SBNO2: variants seen among roughly 807,000 people sequenced by gnomAD.
The protein encoded by SBNO2 is strawberry notch homolog 2.
A neutral mutation model predicts 146.3 loss-of-function variants in SBNO2; 89 were observed. The observed-to-expected ratio is 0.61, with a 90% CI of 0.51 to 0.73. The LOEUF is 0.73. Ranked by LOEUF, SBNO2 falls within the 30% of genes least tolerant of loss-of-function variation. The pLI is 0.00. For missense variants in SBNO2, 2,092 were observed against 2,003.7 expected (o/e 1.04, Z -0.84); for synonymous variants, 1,147 against 892.6 (o/e 1.29, Z -5.08).
chr19:1,147,269 C>T, intron 4 of SBNO2, 40 bp downstream of exon 4: 4 of 1,392,354 alleles, frequency 2.9e-6, no homozygotes, highest in Non-Finnish European at 3.0e-6. Flanking sequence ...CCAGACTCCA[C>T]CCTGCCCCCC....
At chr19:1,117,204 C>A (rs1320134787) in intron 15 of SBNO2, 119 bp downstream of exon 15, 17 of 1,070,940 alleles carry the variant, frequency 1.6e-5, no homozygotes, top group Non-Finnish European at 2.2e-5. Flanking sequence ...CGTCTCTCAC[C>A]CACCAGGGTG....
In SBNO2 at chr19:1,111,054, C is replaced by T. The variant is rs756126247; in HGVS notation, c.2849G>A (p.Arg950Gln). 35 of 1,566,670 alleles carry T rather than the reference C, an allele frequency of 2.2e-5. No individual in the cohort carries two copies. The highest frequency in any genetic ancestry group is 1.7e-4 in the Middle Eastern group (1 of 6,030). Residue 950 changes from arginine to glutamine, a missense_variant, in exon 25 of 32, where the codon CGG becomes CAG. By Grantham distance (43) the Arg-to-Gln change is conservative. Transcript: ENST00000361757. ...QGLLSVGIGG[R>Q]ESRNGCLDVE... Reference sequence around the variant, plus strand: ...GTCCAGGCAGCCATTCCGGGACTCCCGGCCACCAATGCCCACAGACAGCAG... The same window carrying T: ...GTCCAGGCAGCCATTCCGGGACTCCTGGCCACCAATGCCCACAGACAGCAG...
At chr19:1,131,672 C>G (rs962504412) in intron 4 of SBNO2, among the ~76,000 whole-genome samples, 1 of 152,228 alleles carries the variant, frequency 6.6e-6, no homozygotes, top group Non-Finnish European at 1.5e-5. Context: ...ATAAGACACC[C>G]AGAGCCCCTC....
At position 1,149,349 on chromosome 19, in the gene SBNO2, G is replaced by A. The variant is rs367928647; in HGVS notation, c.167+20C>T. On this transcript the variant is annotated intron_variant, in intron 3 of 31. Coordinates refer to ENST00000361757, the MANE Select transcript of SBNO2 (RefSeq NM_014963.3). ...AATGAGCAAGCCTGGGGGCCAGGCG[G>A]GGAGGGTCCCGGTACTCACCGGCTG... 4.8e-4 allele frequency: 742 copies of A among 1,549,326 alleles called. 8 individuals carry two copies. In the Middle Eastern group the frequency reaches 8.7e-3, roughly 18 times the overall value.
intron 4 of SBNO2, among the ~76,000 whole-genome samples, chr19:1,130,686 G>A (rs2080018331): frequency 6.6e-6 from 1 of 152,076 alleles, no homozygotes. Flanking sequence ...CAGCTACTCA[G>A]GAGGCTGAGG....
Position 1,109,104 on chromosome 19 carries a change from G to C in SBNO2, c.3425+31C>G, listed in dbSNP as rs375836831. 9 of 1,545,430 alleles carry C rather than the reference G, an allele frequency of 5.8e-6. No individual in the cohort carries two copies. In the African/African-American group the frequency reaches 9.6e-5, roughly 16 times the overall value. On this transcript the variant is annotated intron_variant, in intron 30 of 31. Coordinates refer to ENST00000361757, the MANE Select transcript of SBNO2 (RefSeq NM_014963.3). This position sits in a 1 kb window ranked among gnomAD's most constrained non-coding sequence, Gnocchi z 4.2. ...CCCGCCTGGGTCGCCGCCATCTGCC[G>C]GTTTCCCCCTGGTCCCCGGCCCGCC... is the stretch of plus-strand genomic sequence containing the variant.
At chr19:1,119,463 G>A (rs2079872852) in intron 13 of SBNO2, 53 bp downstream of exon 13, 1 of 1,365,586 alleles carries the variant, frequency 7.3e-7, no homozygotes, top group African/African-American at 1.4e-5. Flanking sequence ...ATGGGCCTGA[G>A]GCCTCCTCCC....
intron 1 of SBNO2, among the ~76,000 whole-genome samples, chr19:1,164,912 C>CAGG (rs1176552381): frequency 2.4e-4 from 1 of 4,120 alleles, no homozygotes; most frequent in Non-Finnish European, 6.1e-4. Context: ...GGAGGAGGCA[C>CAGG]AGGAGGAGGA....
intron 1 of SBNO2, among the ~76,000 whole-genome samples, chr19:1,162,278 T>G (rs370874716): frequency 1.9e-5 from 1 of 53,708 alleles, no homozygotes; most frequent in Non-Finnish European, 3.7e-5. Flanking sequence ...GCTAACACGG[T>G]GAAACCCCGT....
chr19:1,118,081 A>T lies in SBNO2; in HGVS notation c.1528-582T>A, dbSNP rs550086197. 2.6e-3 allele frequency among the ~76,000 whole-genome samples: 391 copies of T among 152,340 alleles called. 2 individuals are homozygous for T. Among genetic ancestry groups the T allele is most frequent in the Non-Finnish European group, 3.2e-3 (220 of 68,020 alleles). ...CTGGGTGTGGTGGCTCACGCCTGTA[A>T]TCACAGCACTTTGGGAGGCTGAGGC... On this transcript the variant is annotated intron_variant, in intron 14 of 31. Coordinates refer to ENST00000361757, the MANE Select transcript of SBNO2 (RefSeq NM_014963.3).
intron 2 of SBNO2, among the ~76,000 whole-genome samples, chr19:1,153,092 G>A (rs2080257280): frequency 6.6e-6 from 1 of 151,760 alleles, no homozygotes. Flanking sequence ...GGCAGAGGCT[G>A]CAGTGAGCCG....
chr19:1,141,639 G>A (rs1009568097), intron 4 of SBNO2, among the ~76,000 whole-genome samples: 2 of 151,672 alleles, frequency 1.3e-5, no homozygotes, highest in Non-Finnish European at 2.9e-5. Flanking sequence ...CAAACACAGT[G>A]GGGCCCTCCA....
At chr19:1,155,055 C>T (rs961719269) in intron 1 of SBNO2, 1 of 152,428 alleles carries the variant, frequency 6.6e-6, no homozygotes, top group East Asian at 1.9e-4. Flanking sequence ...CGGCCAGACG[C>T]CCGCCAGGCT....
intron 4 of SBNO2, among the ~76,000 whole-genome samples, chr19:1,135,199 A>T (rs917537741): frequency 2.7e-5 from 4 of 148,138 alleles, no homozygotes; most frequent in African/African-American, 9.7e-5. Flanking sequence ...CCATCTCCAC[A>T]AAAAATACAA....
In SBNO2 at chr19:1,158,448, G is replaced by T. The variant is rs2080313009; in HGVS notation, c.-126-4046C>A. Among the ~76,000 whole-genome samples the T allele has an allele frequency of 6.6e-6, 1 of 152,154 alleles. No individual in the cohort carries two copies. The highest frequency in any genetic ancestry group is 2.4e-5 in the African/African-American group (1 of 41,424). ...CTGTGCCCACGTTCGCGACGGCAAAGCGGAGACCCTGAGAAGACACTGGCC... is the reference window on the plus strand; with the variant it reads ...CTGTGCCCACGTTCGCGACGGCAAATCGGAGACCCTGAGAAGACACTGGCC... On this transcript the variant is annotated intron_variant, in intron 1 of 31. Coordinates refer to ENST00000361757, the MANE Select transcript of SBNO2 (RefSeq NM_014963.3). This position sits in a 1 kb window ranked among gnomAD's most constrained non-coding sequence, Gnocchi z 9.9.
intron 19 of SBNO2, 56 bp downstream of exon 19, chr19:1,113,479 C>T (rs2079792656): frequency 1.1e-5 from 15 of 1,424,848 alleles, no homozygotes; most frequent in Non-Finnish European, 1.3e-5. Context: ...CTGCGTGAAG[C>T]CCCACCCACT....
Position 1,109,168 on chromosome 19 carries a change from G to T in SBNO2, c.3392C>A (p.Ala1131Asp), listed in dbSNP as rs1042943872. 3 of 1,558,662 alleles carry T rather than the reference G, an allele frequency of 1.9e-6. No homozygotes were observed. The highest frequency in any genetic ancestry group is 1.7e-6 in the Non-Finnish European group (2 of 1,152,256). The change falls in exon 30 of 32, where the codon GCT (alanine) becomes GAT (aspartate). Residue 1131 changes from alanine to aspartate, a missense_variant. Transcript: ENST00000361757. This position sits in a 1 kb window ranked among gnomAD's most constrained non-coding sequence, Gnocchi z 4.2. ...EAKEPWESGY[A>D]LSLTHCSHSA... ...GTGGCTGCAGTGCGTCAGCGACAAAGCGTAGCCACTCTCCCAGGGCTCCTT... is the reference window on the plus strand; with the variant it reads ...GTGGCTGCAGTGCGTCAGCGACAAATCGTAGCCACTCTCCCAGGGCTCCTT...
chr19:1,110,969 C>G lies in SBNO2; in HGVS notation c.2884+50G>C, dbSNP rs1390703841. ...TGCTCACCACCCGAGGCCAAGGTTG[C>G]ATGAGATGAGAGACAGGAGCGCCTC... On this transcript the variant is annotated intron_variant, in intron 25 of 31. Coordinates refer to ENST00000361757, the MANE Select transcript of SBNO2 (RefSeq NM_014963.3). This position sits in a 1 kb window ranked among gnomAD's most constrained non-coding sequence, Gnocchi z 4.9. The G allele has an allele frequency of 1.2e-6, 2 of 1,609,988 alleles. No homozygotes were observed. Among genetic ancestry groups the G allele is most frequent in the South Asian group, 1.1e-5 (1 of 90,718 alleles).
In SBNO2 at chr19:1,173,280, ACTCGGGCCAT is replaced by A. The variant is rs148800518; in HGVS notation, c.-127+882_-127+891del. 8.0e-3 allele frequency among the ~76,000 whole-genome samples: 1,215 copies of A among 151,392 alleles called. 15 individuals carry two copies. Among genetic ancestry groups the A allele is most frequent in the African/African-American group, 0.028 (1,164 of 41,200 alleles). ...CCGACACACGCTGCTCCCGGGCCCC[ACTCGGGCCAT>A]CTCAGCCCGCTACCCTCCCTCCCGC... On this transcript the variant is annotated intron_variant, in intron 1 of 31. Transcript: ENST00000361757. This position sits in a 1 kb window ranked among gnomAD's most constrained non-coding sequence, Gnocchi z 4.7.
Sources: allele counts gnomAD v4.1 joint callset (sites outside exome capture counted in the v4.1 genomes callset), GRCh38; gene constraint gnomAD v4.1.1; non-coding constraint Gnocchi (gnomAD v3.1); transcripts MANE v1.5; gene names NCBI Gene and HGNC (gene_info 2026-07-23, HGNC 2026-07-21).